Variants in FAT3 observed in about 807,000 individuals in gnomAD.
The protein encoded by FAT3 is protocadherin Fat 3.
FAT3 carries 95 observed loss-of-function variants against 310.2 expected under a neutral mutation model. The observed-to-expected ratio is 0.31, with a 90% CI of 0.26 to 0.36. The LOEUF (loss-of-function observed/expected upper bound fraction) is 0.36. Ranked by LOEUF, FAT3 falls within the 10% of genes least tolerant of loss-of-function variation. The pLI is 1.00. For missense variants in FAT3, 5,408 were observed against 5,715.6 expected, an observed-to-expected ratio of 0.95 and a Z score of 1.74; for synonymous variants, 2,314 against 2,192.9, an observed-to-expected ratio of 1.06 and a Z score of -1.54.
intron 3 of FAT3, among the ~76,000 whole-genome samples, chr11:92,612,292 T>C (rs1465795727): frequency 1.3e-5 from 2 of 152,240 alleles, no homozygotes; most frequent in Non-Finnish European, 2.9e-5. Context: ...TCTCCCACTT[T>C]GCAAACTGAC....
At chr11:92,761,830 T>C (rs1443379094) in intron 4 of FAT3, 26 bp from the exon 5 acceptor site, 1 of 1,594,590 alleles carries the variant, frequency 6.3e-7, no homozygotes, top group Admixed American at 1.8e-5. Context: ...TTCTCCTTTC[T>C]GATCACATCA....
At chr11:92,697,923 T>G (rs1943987578) in intron 4 of FAT3, among the ~76,000 whole-genome samples, 1 of 152,178 alleles carries the variant, frequency 6.6e-6, no homozygotes, top group Admixed American at 6.5e-5. Context: ...ATGGACTCCT[T>G]TAATTCATTA....
chr11:92,445,314 A>G (rs113741603), intron 2 of FAT3, among the ~76,000 whole-genome samples: 211 of 152,250 alleles, frequency 1.4e-3, no homozygotes, highest in Non-Finnish European at 2.7e-3. Context: ...GCTCCATCCC[A>G]GAGCAGTGGA....
At chr11:92,304,887 T>A (rs1947082437) in intron 1 of FAT3, among the ~76,000 whole-genome samples, 2 of 152,100 alleles carry the variant, frequency 1.3e-5, no homozygotes, top group African/African-American at 4.8e-5. Context: ...GTGAGGATGA[T>A]CCTTTAAATG....
At chr11:92,603,771 A>G (rs1475085109) in intron 3 of FAT3, among the ~76,000 whole-genome samples, 1 of 152,252 alleles carries the variant, frequency 6.6e-6, no homozygotes, top group Non-Finnish European at 1.5e-5. Flanking sequence ...AGTAACTAGC[A>G]TTGGAAATAT....
intron 1 of FAT3, among the ~76,000 whole-genome samples, chr11:92,290,342 T>G (rs1946658831): frequency 6.6e-6 from 1 of 152,188 alleles, no homozygotes; most frequent in Non-Finnish European, 1.5e-5. Context: ...CCTGTATCAC[T>G]AGCTCCTTAA....
intron 1 of FAT3, among the ~76,000 whole-genome samples, chr11:92,258,217 A>G (rs559334759): frequency 6.6e-6 from 1 of 152,138 alleles, no homozygotes; most frequent in Non-Finnish European, 1.5e-5. Context: ...TGGAACAATA[A>G]GTGTGAGTGC....
chr11:92,639,423 T>G (rs770994053), intron 3 of FAT3, among the ~76,000 whole-genome samples: 2 of 152,200 alleles, frequency 1.3e-5, no homozygotes, highest in Non-Finnish European at 2.9e-5. Flanking sequence ...AGTCCTGTAG[T>G]TCTTTACAAA....
chr11:92,523,302 A>T (rs1362420601), intron 2 of FAT3, among the ~76,000 whole-genome samples: 1 of 152,126 alleles, frequency 6.6e-6, no homozygotes, highest in East Asian at 1.9e-4. Flanking sequence ...TGTTTTACAT[A>T]TTTCCATTTA....
At chr11:92,678,549 G>A (rs139157747) in intron 3 of FAT3, among the ~76,000 whole-genome samples, 3 of 152,070 alleles carry the variant, frequency 2.0e-5, no homozygotes, top group Non-Finnish European at 4.4e-5. Flanking sequence ...TTTCCCACAC[G>A]TGCCTTTTGG....
intron 2 of FAT3, among the ~76,000 whole-genome samples, chr11:92,416,656 G>T (rs1373639136): frequency 6.6e-6 from 1 of 152,170 alleles, no homozygotes; most frequent in Non-Finnish European, 1.5e-5. Flanking sequence ...ACTTACTTGG[G>T]ATGTGAAAAC....
intron 1 of FAT3, among the ~76,000 whole-genome samples, chr11:92,267,571 G>A (rs7117610): frequency 0.013 from 1,679 of 130,116 alleles, 22 homozygotes; most frequent in African/African-American, 0.041. Flanking sequence ...AGTATGAAAA[G>A]AAAAAAAAAA....
chr11:92,363,201 T>C (rs954746106), intron 2 of FAT3, among the ~76,000 whole-genome samples: 58 of 152,318 alleles, frequency 3.8e-4, no homozygotes, highest in Non-Finnish European at 1.6e-4. Context: ...TTTAGTTCAA[T>C]TGAAGAACTG....
At chr11:92,767,388 C>T (rs1344505174) in intron 6 of FAT3, among the ~76,000 whole-genome samples, 1 of 152,092 alleles carries the variant, frequency 6.6e-6, no homozygotes, top group African/African-American at 2.4e-5. Flanking sequence ...TCCTTGAACA[C>T]TCCAGTGTCC....
chr11:92,534,936 G>A (rs1021807477), intron 3 of FAT3, among the ~76,000 whole-genome samples: 1 of 152,176 alleles, frequency 6.6e-6, no homozygotes, highest in African/African-American at 2.4e-5. Flanking sequence ...GTAGAAGTAT[G>A]CTTGGACCAA....
intron 1 of FAT3, among the ~76,000 whole-genome samples, chr11:92,308,797 A>C (rs1215597005): frequency 6.6e-6 from 1 of 152,256 alleles, no homozygotes; most frequent in Admixed American, 6.5e-5. Context: ...TAATGTCTTA[A>C]ATGTGTGTGG....
chr11:92,511,684 C>T lies in FAT3; in HGVS notation c.3293-12950C>T, dbSNP rs138099908. Among the ~76,000 whole-genome samples, 165 of 152,206 alleles carry T rather than the reference C, an allele frequency of 1.1e-3. 1 individual carries two copies. The highest frequency in any genetic ancestry group is 3.8e-3 in the African/African-American group (156 of 41,512). On this transcript the variant is annotated intron_variant, in intron 2 of 27. Transcript: ENST00000525166. The stretch of plus-strand genomic sequence containing the variant: ...GCTGGGTGACAGTGCTCTTTGAATC[C>T]TCCTTGAGGGTTGAGGAGCAAAGGA...
intron 7 of FAT3, among the ~76,000 whole-genome samples, chr11:92,787,068 ACAGCCCTCCTC>A: frequency 1.3e-5 from 2 of 152,162 alleles, no homozygotes. Context: ...GATGTCAGTA[ACAGCCCTCCTC>A]CAAGTGTTAC....
intron 3 of FAT3, among the ~76,000 whole-genome samples, chr11:92,608,371 G>A (rs1309257338): frequency 6.6e-6 from 1 of 152,054 alleles, no homozygotes; most frequent in African/African-American, 2.4e-5. Flanking sequence ...AACTCCTTAT[G>A]GAATGTTATG....
Sources: gnomAD v4.1 joint callset for allele counts (sites outside exome capture counted in the v4.1 genomes callset) on GRCh38, gnomAD v4.1.1 for gene constraint, MANE v1.5 for transcripts, NCBI Gene and HGNC (gene_info 2026-07-23, HGNC 2026-07-21) for gene names.